The following DERA variants were observed in gnomAD, a reference collection of about 807,000 sequenced individuals.
DERA encodes the protein deoxyribose-phosphate aldolase.
In DERA, 15 loss-of-function variants were observed where a neutral mutation model predicts 41.1. The ratio of observed to expected loss-of-function variants is 0.37; its 90% confidence interval spans 0.24 to 0.56. The LOEUF (loss-of-function observed/expected upper bound fraction) is 0.56, where lower values mean the gene tolerates loss of function less well. Among genes scored for constraint, DERA ranks in the 20% least tolerant of loss-of-function variants. DERA has a pLI of 0.81. For synonymous variants in DERA, 139 were observed against 137.4 expected, an observed-to-expected ratio of 1.01 and a Z score of -0.08; for missense variants, 396 against 403.4, an observed-to-expected ratio of 0.98 and a Z score of 0.16.
In DERA at chr12:15,935,376, A is replaced by G. The variant is rs1948357387; in HGVS notation, c.32-21560A>G. 6.6e-6 allele frequency among the ~76,000 whole-genome samples: 1 copy of G among 152,086 alleles called. No homozygotes were observed. The highest frequency in any genetic ancestry group is 6.5e-5 in the Admixed American group (1 of 15,268). On this transcript the variant is annotated intron_variant, in intron 1 of 8. Coordinates refer to ENST00000428559, the MANE Select transcript of DERA (RefSeq NM_015954.4). The surrounding 1 kb of genome is among the most constrained non-coding windows in gnomAD (Gnocchi z 4.8). ...GTGGCATCCACCTGTAGTCCTACCTACTTGGGAGGCTGAGCTGGGAGGATT... is the reference window on the plus strand; with the variant it reads ...GTGGCATCCACCTGTAGTCCTACCTGCTTGGGAGGCTGAGCTGGGAGGATT...
Position 15,965,935 on chromosome 12 carries a change from C to T in DERA, c.508+2988C>T, listed in dbSNP as rs936081244. The stretch of plus-strand genomic sequence containing the variant: ...TCTATCTATTGGGCATTCTTTCTTC[C>T]GTGTCATCAGCCTTTCTGCCAGCTC... On this transcript the variant is annotated intron_variant, in intron 5 of 8. Transcript: ENST00000428559. The surrounding 1 kb of genome is among the most constrained non-coding windows in gnomAD (Gnocchi z 4.1). Among the ~76,000 whole-genome samples the T allele has an allele frequency of 1.3e-5, 2 of 152,148 alleles. No individual in the cohort carries two copies. The highest frequency in any genetic ancestry group is 2.1e-4 in the South Asian group (1 of 4,824).
At chr12:16,024,965 T>C (rs1211394977) in intron 6 of DERA, among the ~76,000 whole-genome samples, 1 of 152,144 alleles carries the variant, frequency 6.6e-6, no homozygotes, top group Non-Finnish European at 1.5e-5. Flanking sequence ...TTTGTTAAAA[T>C]GTACCTGCAG....
At chr12:15,973,804 A>C (rs1388636060) in intron 5 of DERA, among the ~76,000 whole-genome samples, 1 of 152,176 alleles carries the variant, frequency 6.6e-6, no homozygotes, top group Admixed American at 6.5e-5. Flanking sequence ...TATGTACCAT[A>C]TGTAATCACT....
intron 6 of DERA, among the ~76,000 whole-genome samples, chr12:16,024,495 AG>A (rs1014356190): frequency 4.6e-5 from 7 of 152,218 alleles, no homozygotes; most frequent in Non-Finnish European, 5.9e-5. Context: ...AATACTTAGA[AG>A]GGTTTAAAGA....
chr12:15,982,455 A>G lies in DERA; in HGVS notation c.637+19A>G. ...ATGGCAGGTAAGTGTTTTATGTTCAAATAATGTTTTCTATTGAATTGATGT... is the reference window on the plus strand; with the variant it reads ...ATGGCAGGTAAGTGTTTTATGTTCAGATAATGTTTTCTATTGAATTGATGT... On this transcript the variant is annotated intron_variant, in intron 6 of 8. Coordinates refer to ENST00000428559, the MANE Select transcript of DERA (RefSeq NM_015954.4). The surrounding 1 kb of genome is among the most constrained non-coding windows in gnomAD (Gnocchi z 4.0). 6.3e-7 allele frequency: 1 copy of G among 1,590,150 alleles called. No homozygotes were observed.
rs1046640568 is a variant in DERA, at chr12:16,014,917, T to G, written c.638-17625T>G. Among the ~76,000 whole-genome samples the G allele has an allele frequency of 2.0e-5, 3 of 152,190 alleles. No homozygotes were observed. Among genetic ancestry groups the G allele is most frequent in the Non-Finnish European group, 2.9e-5 (2 of 68,034 alleles). On this transcript the variant is annotated intron_variant, in intron 6 of 8. Coordinates refer to ENST00000428559, the MANE Select transcript of DERA (RefSeq NM_015954.4). The surrounding 1 kb of genome is among the most constrained non-coding windows in gnomAD (Gnocchi z 5.4). Reference sequence around the variant, plus strand: ...ATGAGACATGGAGTCAAAGGAGATCTTTTTGTAGCTTTAAGATTTGACTGC... The same window carrying G: ...ATGAGACATGGAGTCAAAGGAGATCGTTTTGTAGCTTTAAGATTTGACTGC...
At chr12:16,023,473 C>CTTTTTTTTTTT (rs58250786) in intron 6 of DERA, among the ~76,000 whole-genome samples, 1 of 111,918 alleles carries the variant, frequency 8.9e-6, no homozygotes, top group African/African-American at 3.8e-5. Context: ...AACTCAAAGT[C>CTTTTTTTTTTT]TTTTTTTTTT....
At position 15,989,047 on chromosome 12, in the gene DERA, A is replaced by T. The variant is rs1298525904; in HGVS notation, c.637+6611A>T. The stretch of plus-strand genomic sequence containing the variant: ...GAGAGGCCAGGGAGTGGGACCAGGT[A>T]CTTCTGAGCCTGCAGGGGTAGAGGG... On this transcript the variant is annotated intron_variant, in intron 6 of 8. Transcript: ENST00000428559. This position sits in a 1 kb window ranked among gnomAD's most constrained non-coding sequence, Gnocchi z 5.2. Among the ~76,000 whole-genome samples the T allele has an allele frequency of 2.6e-5, 4 of 152,194 alleles. No homozygotes were observed. The highest frequency in any genetic ancestry group is 9.6e-5 in the African/African-American group (4 of 41,460).
rs189688762 is a variant in DERA at position 16,011,477 on chromosome 12, A to G, written c.638-21065A>G. 6.6e-6 allele frequency among the ~76,000 whole-genome samples: 1 copy of G among 152,222 alleles called. No individual in the cohort carries two copies. Among genetic ancestry groups the G allele is most frequent in the East Asian group, 1.9e-4 (1 of 5,190 alleles). Reference sequence around the variant, plus strand: ...TTTCTTTTGAGTATTGTATCAACGGAGTTTCGATTTTGGAGCATTTCAGAC... The same window carrying G: ...TTTCTTTTGAGTATTGTATCAACGGGGTTTCGATTTTGGAGCATTTCAGAC... On this transcript the variant is annotated intron_variant, in intron 6 of 8. Transcript: ENST00000428559. This position sits in a 1 kb window ranked among gnomAD's most constrained non-coding sequence, Gnocchi z 4.7.
chr12:16,000,402 T>C lies in DERA; in HGVS notation c.637+17966T>C, dbSNP rs530210500. 2.0e-5 allele frequency among the ~76,000 whole-genome samples: 3 copies of C among 152,202 alleles called. No individual in the cohort carries two copies. The highest frequency in any genetic ancestry group is 4.4e-5 in the Non-Finnish European group (3 of 68,020). On this transcript the variant is annotated intron_variant, in intron 6 of 8. Coordinates refer to ENST00000428559, the MANE Select transcript of DERA (RefSeq NM_015954.4). The surrounding 1 kb of genome is among the most constrained non-coding windows in gnomAD (Gnocchi z 4.8). ...TTTGGTTTAGAAAACATTAGCAAGA[T>C]AACACATGTAAATCAAAATGCAGAA...
intron 6 of DERA, among the ~76,000 whole-genome samples, chr12:16,024,827 A>G (rs1949042668): frequency 6.6e-6 from 1 of 152,172 alleles, no homozygotes. Context: ...TAAATTTTTA[A>G]CTGATTTAAA....
rs1224576441 is a variant in DERA, at chr12:16,035,704, C to T, written c.751-528C>T. Among the ~76,000 whole-genome samples the T allele has an allele frequency of 5.3e-5, 8 of 152,338 alleles. No individual in the cohort carries two copies. In the South Asian group the frequency reaches 6.2e-4, roughly 12 times the overall value. On this transcript the variant is annotated intron_variant, in intron 7 of 8. Transcript: ENST00000428559. This position sits in a 1 kb window ranked among gnomAD's most constrained non-coding sequence, Gnocchi z 4.1. ...AATCCCACAGTTAAATTGGTTAAAACAACTGTCAACTTTCCTTGCTTTTTT... is the reference window on the plus strand; with the variant it reads ...AATCCCACAGTTAAATTGGTTAAAATAACTGTCAACTTTCCTTGCTTTTTT...
chr12:15,969,731 T>G (rs759144107), intron 5 of DERA, among the ~76,000 whole-genome samples: 3 of 152,230 alleles, frequency 2.0e-5, no homozygotes, highest in Non-Finnish European at 4.4e-5. Flanking sequence ...AATCTATTTT[T>G]CTTATTTGCT....
intron 6 of DERA, among the ~76,000 whole-genome samples, chr12:16,006,377 A>G (rs1948910898): frequency 6.6e-6 from 1 of 152,224 alleles, no homozygotes; most frequent in Admixed American, 6.5e-5. Flanking sequence ...CTGGAAAAAA[A>G]TAGCAGAAAA....
intron 6 of DERA, among the ~76,000 whole-genome samples, chr12:15,987,302 T>A (rs970434808): frequency 4.7e-5 from 7 of 149,012 alleles, no homozygotes; most frequent in South Asian, 2.2e-4. Context: ...AATGGCGTGA[T>A]CTCAGCTCAC....
rs539620743 is a variant in DERA at position 16,013,727 on chromosome 12, A to G, written c.638-18815A>G. On this transcript the variant is annotated intron_variant, in intron 6 of 8. Coordinates refer to ENST00000428559, the MANE Select transcript of DERA (RefSeq NM_015954.4). This position sits in a 1 kb window ranked among gnomAD's most constrained non-coding sequence, Gnocchi z 5.8. ...GAACTGGTTAACAGGAAGAGGTTGG[A>G]ACAGTTTGGAGGGCTCAGAAGAAGA... 6.6e-6 allele frequency among the ~76,000 whole-genome samples: 1 copy of G among 152,376 alleles called. No homozygotes were observed. Among genetic ancestry groups the G allele is most frequent in the Non-Finnish European group, 1.5e-5 (1 of 68,036 alleles).
chr12:15,952,946 G>A (rs1427785018), intron 1 of DERA, among the ~76,000 whole-genome samples: 2 of 152,162 alleles, frequency 1.3e-5, no homozygotes, highest in Non-Finnish European at 2.9e-5. Flanking sequence ...TTTTTGGGCA[G>A]GGTTTCTCAG....
chr12:15,945,706 A>C (rs918221762), intron 1 of DERA, among the ~76,000 whole-genome samples: 20 of 152,140 alleles, frequency 1.3e-4, no homozygotes, highest in Non-Finnish European at 2.5e-4. Flanking sequence ...TTTCTAATTG[A>C]ATACCCTTTA....
At position 15,959,891 on chromosome 12, in the gene DERA, A is replaced by G; in HGVS notation, c.340A>G (p.Lys114Glu). ...GGTGTGTGATGCTGTAAAAGCACTC[A>G]AGGCTGCAGGCTGTAATATCCCTGT... ...ARVCDAVKALKAAGCNIPVAS... is the reference protein window; with the variant it reads ...ARVCDAVKALEAAGCNIPVAS... The change falls in exon 4 of 9, where the codon AAG becomes GAG. Residue 114 changes from lysine to glutamate, a missense_variant. Transcript: ENST00000428559. The surrounding 1 kb of genome is among the most constrained non-coding windows in gnomAD (Gnocchi z 4.5). The G allele has an allele frequency of 6.4e-7, 1 of 1,550,460 alleles. No homozygotes were observed.
Sources: gnomAD v4.1 joint callset for allele counts (sites outside exome capture counted in the v4.1 genomes callset) on GRCh38, gnomAD v4.1.1 for gene constraint, Gnocchi (gnomAD v3.1) non-coding constraint, MANE v1.5 for transcripts, NCBI Gene and HGNC (gene_info 2026-07-23, HGNC 2026-07-21) for gene names.